The following STXBP6 variants were observed in gnomAD, a reference collection of about 807,000 sequenced individuals.
The protein encoded by STXBP6 is syntaxin binding protein 6.
Under a neutral mutation model 26.9 loss-of-function variants are expected in STXBP6, and 21 were observed. The observed-to-expected ratio is 0.78, with a 90% CI of 0.55 to 1.12. The LOEUF (loss-of-function observed/expected upper bound fraction) is 1.12, where lower values mean the gene tolerates loss of function less well. STXBP6 is among the 50% of genes most tolerant of loss of function. The probability of loss-of-function intolerance (pLI) is 0.00; values close to 1 mark genes in which losing one functional copy is unlikely to be tolerated. For synonymous variants in STXBP6, 97 were observed against 92.6 expected (o/e 1.05, Z -0.27); for missense variants, 232 against 257.9 (o/e 0.90, Z 0.69).
intron 2 of STXBP6, among the ~76,000 whole-genome samples, chr14:24,964,192 C>T (rs913571663): frequency 1.3e-5 from 2 of 152,002 alleles, no homozygotes; most frequent in African/African-American, 4.8e-5. Flanking sequence ...AAAGGAGGTA[C>T]CTACAACAGT....
At chr14:24,926,418 C>T (rs550271762) in intron 2 of STXBP6, among the ~76,000 whole-genome samples, 6 of 152,082 alleles carry the variant, frequency 3.9e-5, no homozygotes, top group African/African-American at 1.4e-4. Flanking sequence ...AGAAATGGCA[C>T]GGGATTGGTC....
intron 1 of STXBP6, among the ~76,000 whole-genome samples, chr14:25,007,573 C>T (rs958068830): frequency 5.9e-5 from 9 of 152,150 alleles, no homozygotes; most frequent in African/African-American, 1.9e-4. Context: ...ACATATTTAA[C>T]TTCTGTGTGT....
intron 4 of STXBP6, among the ~76,000 whole-genome samples, chr14:24,840,336 A>G (rs1274868075): frequency 6.6e-6 from 1 of 152,102 alleles, no homozygotes; most frequent in Non-Finnish European, 1.5e-5. Context: ...AGGCCTCTTG[A>G]GCCTTTACTT....
At chr14:24,966,823 T>C (rs2073749330) in intron 2 of STXBP6, among the ~76,000 whole-genome samples, 1 of 152,232 alleles carries the variant, frequency 6.6e-6, no homozygotes, top group South Asian at 2.1e-4. Context: ...GAGTCAAATA[T>C]ATCTACTAAC....
At chr14:24,860,702 T>C (rs189503125) in intron 2 of STXBP6, among the ~76,000 whole-genome samples, 1 of 152,166 alleles carries the variant, frequency 6.6e-6, no homozygotes, top group African/African-American at 2.4e-5. Context: ...TTTTTACACA[T>C]TTTTCTACAT....
At chr14:24,830,755 TCA>T (rs2068433536) in intron 4 of STXBP6, among the ~76,000 whole-genome samples, 1 of 152,070 alleles carries the variant, frequency 6.6e-6, no homozygotes, top group Admixed American at 6.6e-5. Flanking sequence ...TGGGAATGGA[TCA>T]TCTGTAGGGA....
chr14:24,884,801 T>A (rs1250238403), intron 2 of STXBP6, among the ~76,000 whole-genome samples: 1 of 152,232 alleles, frequency 6.6e-6, no homozygotes, highest in African/African-American at 2.4e-5. Context: ...TTATATATTT[T>A]GCCCCATGAC....
chr14:25,037,921 T>C (rs1355457116), intron 1 of STXBP6, among the ~76,000 whole-genome samples: 1 of 152,210 alleles, frequency 6.6e-6, no homozygotes, highest in African/African-American at 2.4e-5. Context: ...AAGGGTTTTA[T>C]ACCTCTATAT....
chr14:25,006,246 G>C (rs1403822475), intron 1 of STXBP6, among the ~76,000 whole-genome samples: 1 of 152,246 alleles, frequency 6.6e-6, no homozygotes, highest in Non-Finnish European at 1.5e-5. Flanking sequence ...GCACGTGGCT[G>C]TACCTAACTC....
intron 2 of STXBP6, among the ~76,000 whole-genome samples, chr14:24,880,240 T>A (rs1179163856): frequency 6.6e-6 from 1 of 152,170 alleles, no homozygotes; most frequent in African/African-American, 2.4e-5. Context: ...GTTTCCTTAG[T>A]TAGGCACCAC....
chr14:24,974,755 C>T lies in STXBP6; in HGVS notation c.64G>A (p.Ala22Thr). The change falls in exon 2 of 6, where the codon GCT becomes ACT. Residue 22 changes from alanine (A) to threonine (T), a missense_variant. Coordinates refer to ENST00000323944, the MANE Select transcript of STXBP6 (RefSeq NM_001394410.1). ...FAPLDERMLG[A>T]VQVKRRTKKK... Reference sequence around the variant, plus strand: ...TTTGTCCTCCTCTTGACTTGGACAGCTCCCAGCATCCTTTCATCAAGAGGT... The same window carrying T: ...TTTGTCCTCCTCTTGACTTGGACAGTTCCCAGCATCCTTTCATCAAGAGGT... The T allele has an allele frequency of 6.2e-7, 1 of 1,604,120 alleles. No individual in the cohort carries two copies. Among genetic ancestry groups the T allele is most frequent in the Non-Finnish European group, 8.5e-7 (1 of 1,174,284 alleles).
intron 1 of STXBP6, chr14:24,987,738 T>C (rs972256028): frequency 3.3e-5 from 22 of 675,872 alleles, no homozygotes; most frequent in Non-Finnish European, 4.0e-5. Context: ...AGGAAGATAA[T>C]GGCAAGAGCC....
intron 4 of STXBP6, among the ~76,000 whole-genome samples, chr14:24,834,981 G>A (rs1041387506): frequency 3.2e-4 from 48 of 152,154 alleles, no homozygotes; most frequent in Admixed American, 8.5e-4. Context: ...TGTTCACAAA[G>A]TTGTGTCTTG....
intron 2 of STXBP6, among the ~76,000 whole-genome samples, chr14:24,952,528 T>A (rs2073204222): frequency 6.6e-6 from 1 of 152,148 alleles, no homozygotes; most frequent in African/African-American, 2.4e-5. Flanking sequence ...AAACTAAATT[T>A]TTGAAGGGGC....
At chr14:24,936,338 A>C (rs1259592196) in intron 2 of STXBP6, among the ~76,000 whole-genome samples, 1 of 152,230 alleles carries the variant, frequency 6.6e-6, no homozygotes, top group Non-Finnish European at 1.5e-5. Flanking sequence ...CATTGGATGC[A>C]CCAAAACCAG....
At chr14:24,973,942 CA>C (rs1435194810) in intron 2 of STXBP6, among the ~76,000 whole-genome samples, 1 of 152,014 alleles carries the variant, frequency 6.6e-6, no homozygotes, top group African/African-American at 2.4e-5. Context: ...TCCATCACTC[CA>C]TACAAGAAAT....
intron 1 of STXBP6, among the ~76,000 whole-genome samples, chr14:24,998,725 C>A (rs960735523): frequency 5.3e-5 from 8 of 152,180 alleles, no homozygotes; most frequent in Admixed American, 5.2e-4. Context: ...TTACTACGAT[C>A]CAGGCCCTAA....
At chr14:24,929,747 A>G (rs10162292) in intron 2 of STXBP6, among the ~76,000 whole-genome samples, 37,159 of 151,988 alleles carry the variant, frequency 0.24, 4,768 homozygotes, top group African/African-American at 0.33. Context: ...AGATGGTCAA[A>G]TGACCTCTCC....
At chr14:24,943,787 T>A (rs141477446) in intron 2 of STXBP6, among the ~76,000 whole-genome samples, 1 of 152,206 alleles carries the variant, frequency 6.6e-6, no homozygotes, top group Non-Finnish European at 1.5e-5. Flanking sequence ...GACCTTTAAA[T>A]AAATCACTAA....
Sources: gnomAD v4.1 joint callset for allele counts (sites outside exome capture counted in the v4.1 genomes callset) on GRCh38, gnomAD v4.1.1 for gene constraint, MANE v1.5 for transcripts, NCBI Gene and HGNC (gene_info 2026-07-23, HGNC 2026-07-21) for gene names.